The following MGAT4C variants were observed in gnomAD, a reference collection of about 807,000 sequenced individuals.
MGAT4C encodes alpha-1,3-mannosyl-glycoprotein 4-beta-N-acetylglucosaminyltransferase C.
In MGAT4C, 19 loss-of-function variants were observed where a neutral mutation model predicts 40.1. That is an observed-to-expected ratio of 0.47 (90% CI 0.33 to 0.70). The LOEUF (loss-of-function observed/expected upper bound fraction) is 0.70, where lower values mean the gene tolerates loss of function less well. Among genes scored for constraint, MGAT4C ranks in the 30% least tolerant of loss-of-function variants. The pLI, the probability that MGAT4C is intolerant of heterozygous loss-of-function variation, is 0.02. For synonymous variants in MGAT4C, 181 were observed against 187.1 expected, an observed-to-expected ratio of 0.97 and a Z score of 0.27; for missense variants, 491 against 563.2, an observed-to-expected ratio of 0.87 and a Z score of 1.30.
chr12:86,411,074 CT>C (rs1276352995), intron 3 of MGAT4C, among the ~76,000 whole-genome samples: 14 of 152,094 alleles, frequency 9.2e-5, no homozygotes, highest in Admixed American at 2.0e-4. Context: ...AATTAAACTT[CT>C]TTTATTTATA....
intron 3 of MGAT4C, among the ~76,000 whole-genome samples, chr12:86,386,234 A>T (rs929571044): frequency 2.0e-5 from 3 of 152,092 alleles, no homozygotes; most frequent in African/African-American, 7.2e-5. Flanking sequence ...TATTTTTGAG[A>T]TTCAACTATG....
intron 1 of MGAT4C, among the ~76,000 whole-genome samples, chr12:86,800,809 AG>A (rs1265505718): frequency 3.6e-4 from 54 of 151,988 alleles, no homozygotes; most frequent in Middle Eastern, 3.4e-3. Context: ...AGGCTTTCTG[AG>A]TAATTTTCTC....
chr12:86,809,254 C>A (rs1194936999), intron 1 of MGAT4C, among the ~76,000 whole-genome samples: 1 of 152,024 alleles, frequency 6.6e-6, no homozygotes, highest in Non-Finnish European at 1.5e-5. Flanking sequence ...TGTTCTTTTC[C>A]ATTCAGAGTA....
At chr12:86,765,562 T>C (rs1951490442) in intron 1 of MGAT4C, among the ~76,000 whole-genome samples, 1 of 151,972 alleles carries the variant, frequency 6.6e-6, no homozygotes, top group African/African-American at 2.4e-5. Context: ...GACACATAAT[T>C]GTCAGATTCA....
At chr12:86,387,841 G>A (rs199996328) in intron 3 of MGAT4C, among the ~76,000 whole-genome samples, 2 of 152,108 alleles carry the variant, frequency 1.3e-5, no homozygotes, top group Admixed American at 6.6e-5. Flanking sequence ...GATGTTATTT[G>A]TAGCTGCAAG....
At position 85,963,338 on chromosome 12, in the gene MGAT4C, C is replaced by T. The variant is rs893738695; in HGVS notation, c.*15951G>A. 6.6e-6 allele frequency: 1 copy of T among 151,824 alleles called. No individual in the cohort carries two copies. The highest frequency in any genetic ancestry group is 2.4e-5 in the African/African-American group (1 of 41,358). 9.4% of individuals were successfully genotyped at this position (151,824 alleles called of 1,614,324 possible). On this transcript the variant is annotated 3_prime_UTR_variant, in exon 5 of 5. Coordinates refer to ENST00000611864, the MANE Select transcript of MGAT4C (RefSeq NM_001351288.2). ...ATATATTCTTGAAATGTAACTAGCA[C>T]ATAGTCAGTGTTTCTTAACCATTTT... is the stretch of plus-strand genomic sequence containing the variant.
chr12:86,093,137 A>G (rs957639637), intron 1 of MGAT4C, among the ~76,000 whole-genome samples: 3 of 152,146 alleles, frequency 2.0e-5, no homozygotes, highest in Non-Finnish European at 4.4e-5. Flanking sequence ...AATGTCAGAA[A>G]GAAATGAATA....
chr12:86,768,751 A>AAAACGAGC (rs1212841927), intron 1 of MGAT4C, among the ~76,000 whole-genome samples: 1 of 152,178 alleles, frequency 6.6e-6, no homozygotes, highest in African/African-American at 2.4e-5. Context: ...AAACCTGAGA[A>AAAACGAGC]AAACGAGCAA....
intron 3 of MGAT4C, among the ~76,000 whole-genome samples, chr12:86,375,744 A>C (rs901339543): frequency 1.3e-5 from 2 of 152,260 alleles, no homozygotes; most frequent in South Asian, 4.1e-4. Context: ...GCCCTGAAGC[A>C]AAAGGAAACT....
At chr12:86,176,933 T>C (rs1319690930) in intron 1 of MGAT4C, among the ~76,000 whole-genome samples, 1 of 151,032 alleles carries the variant, frequency 6.6e-6, no homozygotes, top group Non-Finnish European at 1.5e-5. Context: ...AAGCTTACTA[T>C]GTAGCAAGCA....
chr12:86,757,132 T>A (rs537790368), intron 1 of MGAT4C, among the ~76,000 whole-genome samples: 1 of 149,498 alleles, frequency 6.7e-6, no homozygotes, highest in South Asian at 2.1e-4. Context: ...AACCAAACAC[T>A]GCATGTTCTC....
At position 86,173,912 on chromosome 12, in the gene MGAT4C, C is replaced by T. The variant is rs118186527; in HGVS notation, c.-57+82327G>A. ...TCCTTCTTTCTCTCTTTTTTATGTC[C>T]AAGCTTGCTTGTCCTGTGATATCAC... On this transcript the variant is annotated intron_variant, in intron 1 of 4. Transcript: ENST00000611864. Among the ~76,000 whole-genome samples the T allele has an allele frequency of 5.1e-4, 77 of 151,786 alleles. 1 individual carries two copies. In the East Asian group the frequency reaches 9.5e-3, roughly 19 times the overall value.
At chr12:86,460,007 T>C (rs1427314242) in intron 2 of MGAT4C, among the ~76,000 whole-genome samples, 1 of 152,100 alleles carries the variant, frequency 6.6e-6, no homozygotes, top group Non-Finnish European at 1.5e-5. Flanking sequence ...TAGTAAAGTA[T>C]TGATGCTGTA....
intron 1 of MGAT4C, among the ~76,000 whole-genome samples, chr12:86,207,877 T>C (rs980217218): frequency 6.6e-6 from 1 of 152,190 alleles, no homozygotes; most frequent in Admixed American, 6.5e-5. Flanking sequence ...ATATGGGATA[T>C]AAAAATAGTA....
chr12:86,823,645 A>T (rs1343481174), intron 1 of MGAT4C, among the ~76,000 whole-genome samples: 1 of 151,312 alleles, frequency 6.6e-6, no homozygotes, highest in Non-Finnish European at 1.5e-5. Flanking sequence ...GGCAAAAAAT[A>T]AAAAAGACAA....
At chr12:86,552,108 A>C (rs1387706766) in intron 2 of MGAT4C, among the ~76,000 whole-genome samples, 1 of 152,042 alleles carries the variant, frequency 6.6e-6, no homozygotes. Context: ...CATAAGGAAA[A>C]ATACAAAATT....
At chr12:86,099,327 T>C (rs1435246251) in intron 1 of MGAT4C, among the ~76,000 whole-genome samples, 1 of 151,438 alleles carries the variant, frequency 6.6e-6, no homozygotes, top group Non-Finnish European at 1.5e-5. Context: ...TTTCATAGTT[T>C]GGCTGGATTC....
intron 2 of MGAT4C, among the ~76,000 whole-genome samples, chr12:86,565,607 G>A (rs1056036583): frequency 6.6e-6 from 1 of 152,212 alleles, no homozygotes; most frequent in Non-Finnish European, 1.5e-5. Flanking sequence ...TGTACCCAAT[G>A]GCGTGGCTGG....
At chr12:86,300,195 C>CT (rs1953776029) in intron 4 of MGAT4C, among the ~76,000 whole-genome samples, 1 of 152,066 alleles carries the variant, frequency 6.6e-6, no homozygotes, top group Non-Finnish European at 1.5e-5. Context: ...TTTTTCTATT[C>CT]TTTTTCTTTG....
Sources: allele counts gnomAD v4.1 joint callset (sites outside exome capture counted in the v4.1 genomes callset), GRCh38; gene constraint gnomAD v4.1.1; transcripts MANE v1.5; gene names NCBI Gene and HGNC (gene_info 2026-07-23, HGNC 2026-07-21).